The following SHISAL2B variants were observed in gnomAD, a reference collection of about 807,000 sequenced individuals.
SHISAL2B encodes the protein shisa like 2B.
Under a neutral mutation model 16.5 loss-of-function variants are expected in SHISAL2B, and 12 were observed. That is an observed-to-expected ratio of 0.73 (90% CI 0.47 to 1.18). The LOEUF is 1.18. SHISAL2B is among the 50% of genes most tolerant of loss of function. The pLI, the probability that SHISAL2B is intolerant of heterozygous loss-of-function variation, is 0.00. For synonymous variants in SHISAL2B, 72 were observed against 75.0 expected (o/e 0.96, Z 0.21); for missense variants, 183 against 193.6 (o/e 0.95, Z 0.33).
At chr5:64,707,446 T>C (rs1433574523) in intron 2 of SHISAL2B, among the ~76,000 whole-genome samples, 1 of 152,134 alleles carries the variant, frequency 6.6e-6, no homozygotes, top group Non-Finnish European at 1.5e-5. Context: ...TGAGGCCAGT[T>C]TTCCCCAAAG....
rs879317116 is a variant in SHISAL2B at position 64,712,818 on chromosome 5, T to C, written c.350-5071T>C. ...ATGGCCTTCTTTGTCTCTTTTGATC[T>C]TTGTTGGTTTGAAGTCTGTTTTATC... On this transcript the variant is annotated intron_variant, in intron 2 of 2. Coordinates refer to ENST00000389074, the MANE Select transcript of SHISAL2B (RefSeq NM_001164442.2). Among the ~76,000 whole-genome samples the C allele has an allele frequency of 1.6e-3, 239 of 151,668 alleles. 1 individual carries two copies. The highest frequency in any genetic ancestry group is 3.1e-3 in the Non-Finnish European group (209 of 67,640).
rs116539921 is a variant in SHISAL2B at position 64,707,100 on chromosome 5, T to C, written c.350-10789T>C. ...TTCCATTTTTATTAAAAACAAATCA[T>C]AATAGGACCAATTTGTTTGCAAAAA... On this transcript the variant is annotated intron_variant, in intron 2 of 2. Transcript: ENST00000389074. 1.9e-3 allele frequency among the ~76,000 whole-genome samples: 282 copies of C among 152,230 alleles called. 2 individuals are homozygous for C. Among genetic ancestry groups the C allele is most frequent in the African/African-American group, 6.4e-3 (267 of 41,536 alleles).
intron 2 of SHISAL2B, among the ~76,000 whole-genome samples, chr5:64,710,706 A>G (rs1398627389): frequency 7.9e-6 from 1 of 127,232 alleles, no homozygotes; most frequent in Non-Finnish European, 1.6e-5. Context: ...ATCCTCTTTT[A>G]TTTCCTTGAG....
At chr5:64,711,442 G>A (rs1431153345) in intron 2 of SHISAL2B, among the ~76,000 whole-genome samples, 25 of 146,394 alleles carry the variant, frequency 1.7e-4, no homozygotes, top group African/African-American at 5.8e-4. Flanking sequence ...CGGTTTGCCA[G>A]TATTTTATTG....
intron 2 of SHISAL2B, among the ~76,000 whole-genome samples, chr5:64,702,034 T>C (rs886386135): frequency 4.6e-5 from 7 of 152,198 alleles, no homozygotes; most frequent in African/African-American, 1.7e-4. Flanking sequence ...TCTTTTTTTG[T>C]GGTTTCTCCT....
chr5:64,713,542 A>C (rs1474845148), intron 2 of SHISAL2B, among the ~76,000 whole-genome samples: 1 of 111,592 alleles, frequency 9.0e-6, no homozygotes, highest in Non-Finnish European at 1.7e-5. Flanking sequence ...CTCAAGGAGT[A>C]TCTTTGTGGC....
At chr5:64,703,911 C>T (rs894267501) in intron 2 of SHISAL2B, among the ~76,000 whole-genome samples, 4 of 152,274 alleles carry the variant, frequency 2.6e-5, no homozygotes, top group Non-Finnish European at 4.4e-5. Flanking sequence ...GTTTTGCTCA[C>T]TTCACCGTTT....
chr5:64,700,197 A>G (rs1006240066), intron 2 of SHISAL2B, among the ~76,000 whole-genome samples: 2 of 152,178 alleles, frequency 1.3e-5, no homozygotes, highest in Admixed American at 1.3e-4. Context: ...GGAGGAATTA[A>G]TGGCTAATCA....
chr5:64,704,382 A>C (rs1253326811), intron 2 of SHISAL2B, among the ~76,000 whole-genome samples: 3 of 152,270 alleles, frequency 2.0e-5, no homozygotes, highest in African/African-American at 7.2e-5. Context: ...AGGTAGAAAG[A>C]TTTCATTCGA....
At chr5:64,713,218 C>G (rs1272317884) in intron 2 of SHISAL2B, among the ~76,000 whole-genome samples, 2 of 147,192 alleles carry the variant, frequency 1.4e-5, no homozygotes, top group African/African-American at 2.6e-5. Flanking sequence ...TTCAGGAGCT[C>G]TTTTAGGGCA....
intron 2 of SHISAL2B, among the ~76,000 whole-genome samples, chr5:64,711,789 G>T (rs1251642173): frequency 3.3e-4 from 6 of 18,450 alleles, no homozygotes; most frequent in South Asian, 2.7e-3. Flanking sequence ...GTCGAGGAAT[G>T]TATCCATTTC....
At chr5:64,693,016 T>C (rs1265886853) in intron 1 of SHISAL2B, among the ~76,000 whole-genome samples, 1 of 151,850 alleles carries the variant, frequency 6.6e-6, no homozygotes, top group Non-Finnish European at 1.5e-5. Context: ...TCTTCTCCTT[T>C]TTTTTTTTTG....
In SHISAL2B at chr5:64,711,300, T is replaced by C. The variant is rs1041786890; in HGVS notation, c.350-6589T>C. ...TTCTGCATGTATTGAGATAATCATG[T>C]GGTTTTTGTCTTTGGTTCTGTTTAT... On this transcript the variant is annotated intron_variant, in intron 2 of 2. Coordinates refer to ENST00000389074, the MANE Select transcript of SHISAL2B (RefSeq NM_001164442.2). Among the ~76,000 whole-genome samples the C allele has an allele frequency of 4.9e-4, 72 of 147,942 alleles. 2 individuals are homozygous for C. Among genetic ancestry groups the C allele is most frequent in the Non-Finnish European group, 1.9e-4 (13 of 67,906 alleles).
intron 2 of SHISAL2B, among the ~76,000 whole-genome samples, chr5:64,696,919 T>G (rs565913899): frequency 2.0e-5 from 3 of 152,342 alleles, no homozygotes; most frequent in African/African-American, 7.2e-5. Context: ...CTTTTTGCCC[T>G]TTGACGCTTG....
chr5:64,709,498 A>T (rs1284577252), intron 2 of SHISAL2B, among the ~76,000 whole-genome samples: 1 of 147,844 alleles, frequency 6.8e-6, no homozygotes, highest in African/African-American at 2.5e-5. Flanking sequence ...CAATAAACAT[A>T]CGTGTGCATG....
intron 2 of SHISAL2B, among the ~76,000 whole-genome samples, chr5:64,696,189 A>G (rs1054439611): frequency 4.6e-5 from 7 of 152,352 alleles, no homozygotes; most frequent in Non-Finnish European, 8.8e-5. Flanking sequence ...TCATTTTAAT[A>G]TGGACATTTA....
rs185510978 is a variant in SHISAL2B, at chr5:64,701,718, G to A, written c.349+6054G>A. Among the ~76,000 whole-genome samples the A allele has an allele frequency of 2.3e-3, 346 of 152,242 alleles. 3 individuals are homozygous for A. The highest frequency in any genetic ancestry group is 7.9e-3 in the African/African-American group (329 of 41,542). On this transcript the variant is annotated intron_variant, in intron 2 of 2. Transcript: ENST00000389074. Reference sequence around the variant, plus strand: ...AAAGGCAGATGATATAAATGAAAAAGGGTAAGTAAATTAGCAGTAAGGCAC... The same window carrying A: ...AAAGGCAGATGATATAAATGAAAAAAGGTAAGTAAATTAGCAGTAAGGCAC...
chr5:64,697,188 C>A (rs186123228), intron 2 of SHISAL2B, among the ~76,000 whole-genome samples: 1 of 152,208 alleles, frequency 6.6e-6, no homozygotes, highest in East Asian at 1.9e-4. Context: ...ATAGAGGAAC[C>A]AAGTATTTGA....
At chr5:64,695,997 A>C (rs1040545786) in intron 2 of SHISAL2B, among the ~76,000 whole-genome samples, 2 of 152,240 alleles carry the variant, frequency 1.3e-5, no homozygotes, top group Non-Finnish European at 2.9e-5. Flanking sequence ...GAGTCAAAGA[A>C]GTCAAATTGT....
Sources: gnomAD v4.1 joint callset for allele counts (sites outside exome capture counted in the v4.1 genomes callset) on GRCh38, gnomAD v4.1.1 for gene constraint, MANE v1.5 for transcripts, NCBI Gene and HGNC (gene_info 2026-07-23, HGNC 2026-07-21) for gene names.